EFCAB14: variants seen among roughly 807,000 people sequenced by gnomAD.
EFCAB14 encodes EF-hand calcium binding domain 14.
EFCAB14 carries 43 observed loss-of-function variants against 56.5 expected under a neutral mutation model. The ratio of observed to expected loss-of-function variants is 0.76; its 90% CI spans 0.60 to 0.98. EFCAB14 has a LOEUF of 0.98. Ranked by LOEUF, EFCAB14 falls within the 50% of genes least tolerant of loss-of-function variation. The probability of loss-of-function intolerance (pLI) is 0.00; values close to 1 mark genes in which losing one functional copy is unlikely to be tolerated. For missense variants in EFCAB14, 538 were observed against 580.3 expected (o/e 0.93, Z 0.75); for synonymous variants, 235 against 212.9 (o/e 1.10, Z -0.90).
chr1:46,679,812 T>G (rs1484549545), intron 10 of EFCAB14, among the ~76,000 whole-genome samples: 1 of 151,834 alleles, frequency 6.6e-6, no homozygotes, highest in Non-Finnish European at 1.5e-5. Flanking sequence ...GGTTTCATCA[T>G]GTCGGCCAGG....
chr1:46,680,007 G>C (rs920857607), intron 10 of EFCAB14, among the ~76,000 whole-genome samples: 1 of 152,070 alleles, frequency 6.6e-6, no homozygotes, highest in Non-Finnish European at 1.5e-5. Context: ...AGTGTAATGA[G>C]ATACCATGTC....
At chr1:46,679,793 T>C (rs1419436531) in intron 10 of EFCAB14, among the ~76,000 whole-genome samples, 1 of 151,754 alleles carries the variant, frequency 6.6e-6, no homozygotes, top group East Asian at 1.9e-4. Context: ...GTATTTTTAG[T>C]AGAGATGCGG....
rs769658328 is a variant in EFCAB14, at chr1:46,683,328, G to A, written c.1284C>T (p.Ile428=). Residue 428 remains isoleucine, a synonymous_variant, in exon 10 of 11, where the codon ATC becomes ATT. Transcript: ENST00000371933. ...PVEKAAQLRP[I]SLPGVSSTED... is the part of the protein sequence containing the mutation. ...CAGTGCTAGAAACTCCTGGTAGGGA[G>A]ATAGGTCTTAGTTGGGCAGCTTTCT... The A allele has an allele frequency of 6.2e-7, 1 of 1,614,076 alleles. No homozygotes were observed. Among genetic ancestry groups the A allele is most frequent in the Admixed American group, 1.7e-5 (1 of 60,010 alleles).
At chr1:46,714,634 A>G (rs759363916) in intron 2 of EFCAB14, among the ~76,000 whole-genome samples, 1 of 152,002 alleles carries the variant, frequency 6.6e-6, no homozygotes, top group African/African-American at 2.4e-5. Context: ...TTTTACAAAC[A>G]TACAAAAATT....
chr1:46,681,758 T>G (rs1005215111), intron 10 of EFCAB14, among the ~76,000 whole-genome samples: 9 of 152,026 alleles, frequency 5.9e-5, no homozygotes, highest in African/African-American at 2.2e-4. Flanking sequence ...GATTGCTGCC[T>G]CAGGTCATTC....
intron 10 of EFCAB14, among the ~76,000 whole-genome samples, chr1:46,680,899 C>T (rs1435021755): frequency 6.6e-6 from 1 of 151,938 alleles, no homozygotes; most frequent in Non-Finnish European, 1.5e-5. Flanking sequence ...TAGAGAATGT[C>T]TATCAATAGT....
At chr1:46,685,487 C>T (rs116140737) in intron 8 of EFCAB14, among the ~76,000 whole-genome samples, 228 of 152,272 alleles carry the variant, frequency 1.5e-3, no homozygotes, top group African/African-American at 5.3e-3. Context: ...TAGTAGTTCA[C>T]TCAGTTTATT....
intron 2 of EFCAB14, among the ~76,000 whole-genome samples, chr1:46,713,059 A>T (rs908034172): frequency 6.6e-6 from 1 of 151,962 alleles, no homozygotes; most frequent in South Asian, 2.1e-4. Context: ...TTTTTTTTTT[A>T]AAGTAGAAGC....
chr1:46,679,659 G>C (rs1676760103), intron 10 of EFCAB14, among the ~76,000 whole-genome samples: 1 of 129,338 alleles, frequency 7.7e-6, no homozygotes. Context: ...CACCCAGGCT[G>C]GAGTGCAGTG....
At chr1:46,688,279 T>C in intron 7 of EFCAB14, 74 bp downstream of exon 7, 1 of 1,441,834 alleles carries the variant, frequency 6.9e-7, no homozygotes. Flanking sequence ...AAGGCTGTTC[T>C]CAAAAGGTGG....
chr1:46,701,043 G>A (rs1429092325), intron 3 of EFCAB14, among the ~76,000 whole-genome samples: 2 of 151,492 alleles, frequency 1.3e-5, no homozygotes, highest in Non-Finnish European at 1.5e-5. Flanking sequence ...GATGGGAATT[G>A]AAGGAAAATT....
intron 10 of EFCAB14, among the ~76,000 whole-genome samples, chr1:46,681,083 G>A (rs114638232): frequency 0.014 from 2,079 of 151,732 alleles, 40 homozygotes; most frequent in African/African-American, 0.046. Context: ...CTATTCTCCC[G>A]AGTAGCTGGG....
intron 2 of EFCAB14, among the ~76,000 whole-genome samples, chr1:46,708,945 C>CATTT (rs1677270684): frequency 6.8e-6 from 1 of 145,998 alleles, no homozygotes; most frequent in East Asian, 2.0e-4. Flanking sequence ...AACCTACATC[C>CATTT]TTTTTTTTTT....
At chr1:46,687,315 A>T (rs1676900217) in intron 7 of EFCAB14, among the ~76,000 whole-genome samples, 1 of 152,204 alleles carries the variant, frequency 6.6e-6, no homozygotes, top group Admixed American at 6.5e-5. Context: ...CATCATCCAA[A>T]ATTCTTAGCC....
rs1677430715 is a variant in EFCAB14 at position 46,718,341 on chromosome 1, T to C, written c.-254A>G. The stretch of plus-strand genomic sequence containing the variant: ...CCAAGGAGCTGGTGACCCCAAAGGA[T>C]AAGGCCTTGGGTGCAGAGTGTTAGT... On this transcript the variant is annotated 5_prime_UTR_variant, in exon 1 of 11. Transcript: ENST00000371933. 2.3e-6 allele frequency: 1 copy of C among 434,448 alleles called. No homozygotes were observed. Among genetic ancestry groups the C allele is most frequent in the Middle Eastern group, 6.4e-4 (1 of 1,570 alleles). 26.9% of individuals were successfully genotyped at this position (434,448 alleles called of 1,614,324 possible). A position where few individuals can be genotyped will look rare whatever the true frequency, so the allele number is the denominator to read the frequency against.
chr1:46,712,486 A>AG (rs796233501), intron 2 of EFCAB14, among the ~76,000 whole-genome samples: 20 of 151,994 alleles, frequency 1.3e-4, no homozygotes, highest in African/African-American at 2.9e-4. Context: ...CTCTTTGACG[A>AG]GAAAAAAAAA....
rs1488996035 is a variant in EFCAB14 at position 46,691,935 on chromosome 1, A to G, written c.582T>C (p.Ser194=). 1.9e-6 allele frequency: 3 copies of G among 1,612,628 alleles called. No homozygotes were observed. The highest frequency in any genetic ancestry group is 1.1e-5 in the South Asian group (1 of 90,920). Residue 194 remains serine, a splice_region_variant and synonymous_variant, in exon 5 of 11, where the codon AGT becomes AGC. Transcript: ENST00000371933. ...TTAAAGTATTGCCAATGGAAGCTACACTCTGAATGGAAACATATAGGAAGG... is the reference window on the plus strand; with the variant it reads ...TTAAAGTATTGCCAATGGAAGCTACGCTCTGAATGGAAACATATAGGAAGG... ...LPTTVEGLQK[S]VASIGNTLNS...
intron 1 of EFCAB14, 87 bp downstream of exon 1, chr1:46,717,816 G>A (rs1047032102): frequency 1.5e-5 from 21 of 1,433,206 alleles, no homozygotes; most frequent in Non-Finnish European, 1.9e-5. Flanking sequence ...TTCTTCCTAA[G>A]GACTTCCTTT....
rs147016490 is a variant in EFCAB14 at position 46,678,476 on chromosome 1, T to C, written c.1473A>G (p.Val491=). The C allele has an allele frequency of 2.3e-4, 364 of 1,614,140 alleles. No homozygotes were observed. Among genetic ancestry groups the C allele is most frequent in the Middle Eastern group, 1.2e-3 (7 of 6,058 alleles). The change falls in exon 11 of 11, where the codon GTA becomes GTG. Residue 491 remains valine, a synonymous_variant. Coordinates refer to ENST00000371933, the MANE Select transcript of EFCAB14 (RefSeq NM_014774.3). Reference sequence around the variant, plus strand: ...CCTGATGAAGCTAGATACCTAAAGCTACCCTTAGCTCCAGGAATGAGTATC... The same window carrying C: ...CCTGATGAAGCTAGATACCTAAAGCCACCCTTAGCTCCAGGAATGAGTATC... ...DGRYSFLELR[V]ALGI
Sources: allele counts gnomAD v4.1 joint callset (sites outside exome capture counted in the v4.1 genomes callset), GRCh38; gene constraint gnomAD v4.1.1; transcripts MANE v1.5; gene names NCBI Gene and HGNC (gene_info 2026-07-23, HGNC 2026-07-21).